CCSER1: variants seen among roughly 807,000 people sequenced by gnomAD.
CCSER1 encodes coiled-coil serine rich protein 1, also known as serine-rich coiled-coil domain-containing protein 1.
Under a neutral mutation model 82.0 loss-of-function variants are expected in CCSER1, and 41 were observed. That is an observed-to-expected ratio of 0.50 (90% CI 0.39 to 0.65). The LOEUF (loss-of-function observed/expected upper bound fraction) is 0.65, where lower values mean the gene tolerates loss of function less well. CCSER1 is among the 30% of genes least tolerant of loss of function. The pLI, the probability that CCSER1 is intolerant of heterozygous loss-of-function variation, is 0.00. For missense variants in CCSER1, 1,119 were observed against 1,064.2 expected (o/e 1.05, Z -0.72); for synonymous variants, 414 against 383.9 (o/e 1.08, Z -0.92).
At position 90,367,027 on chromosome 4, in the gene CCSER1, T is replaced by A. The variant is rs1432892361; in HGVS notation, c.1510-33009T>A. ...ATAAGCAATCACTGTGGAAAGCCAATGAAAATTTACATGCGCTCATTGGAA... is the reference window on the plus strand; with the variant it reads ...ATAAGCAATCACTGTGGAAAGCCAAAGAAAATTTACATGCGCTCATTGGAA... On this transcript the variant is annotated intron_variant, in intron 3 of 10. Transcript: ENST00000509176. Among the ~76,000 whole-genome samples, 2 of 151,832 alleles carry A rather than the reference T, an allele frequency of 1.3e-5. 1 individual carries two copies. Among genetic ancestry groups the A allele is most frequent in the Non-Finnish European group, 2.9e-5 (2 of 67,846 alleles).
At chr4:91,344,128 T>G (rs1490733758) in intron 10 of CCSER1, among the ~76,000 whole-genome samples, 1 of 152,152 alleles carries the variant, frequency 6.6e-6, no homozygotes, top group Non-Finnish European at 1.5e-5. Flanking sequence ...GGTGATTAAG[T>G]CTTAAGGGCT....
intron 10 of CCSER1, among the ~76,000 whole-genome samples, chr4:91,111,289 G>C (rs188753587): frequency 7.9e-5 from 12 of 151,976 alleles, no homozygotes; most frequent in African/African-American, 2.9e-4. Context: ...ATTCCCTTTT[G>C]AATAAATAAG....
intron 10 of CCSER1, among the ~76,000 whole-genome samples, chr4:91,491,540 A>G (rs1167883311): frequency 6.6e-6 from 1 of 152,158 alleles, no homozygotes; most frequent in South Asian, 2.1e-4. Flanking sequence ...ATATATGCTC[A>G]AGATATTGGT....
At chr4:91,590,046 T>C (rs893532362) in intron 10 of CCSER1, among the ~76,000 whole-genome samples, 3 of 152,034 alleles carry the variant, frequency 2.0e-5, no homozygotes, top group Non-Finnish European at 2.9e-5. Context: ...GGAAAACTGT[T>C]GTATGTTTTC....
intron 3 of CCSER1, among the ~76,000 whole-genome samples, chr4:90,347,789 A>G (rs1309048090): frequency 6.6e-6 from 1 of 152,190 alleles, no homozygotes; most frequent in Non-Finnish European, 1.5e-5. Context: ...AAACTAGAAA[A>G]TAGAAGAAAA....
chr4:90,213,566 C>T (rs1414049565), intron 1 of CCSER1, among the ~76,000 whole-genome samples: 1 of 152,040 alleles, frequency 6.6e-6, no homozygotes, highest in Non-Finnish European at 1.5e-5. Context: ...AGGAGAGGTC[C>T]ACGAACTGAA....
At chr4:90,969,761 T>G (rs891190696) in intron 9 of CCSER1, among the ~76,000 whole-genome samples, 1 of 151,944 alleles carries the variant, frequency 6.6e-6, no homozygotes, top group Non-Finnish European at 1.5e-5. Flanking sequence ...AAGGTAAATA[T>G]ATAGTTAATG....
intron 3 of CCSER1, among the ~76,000 whole-genome samples, chr4:90,374,254 A>G (rs1471912909): frequency 6.6e-6 from 1 of 152,234 alleles, no homozygotes; most frequent in Non-Finnish European, 1.5e-5. Flanking sequence ...TGTTGATCAC[A>G]TTAATGGTCA....
chr4:90,694,163 G>A (rs1179892838), intron 6 of CCSER1, among the ~76,000 whole-genome samples: 1 of 151,864 alleles, frequency 6.6e-6, no homozygotes, highest in African/African-American at 2.4e-5. Flanking sequence ...TGGAAGATTT[G>A]GAACAAATCC....
At chr4:91,059,132 A>G (rs1476670717) in intron 9 of CCSER1, among the ~76,000 whole-genome samples, 3 of 152,010 alleles carry the variant, frequency 2.0e-5, no homozygotes, top group African/African-American at 4.8e-5. Flanking sequence ...AGACTGCTAA[A>G]CAACCACCCT....
chr4:90,682,869 G>T lies in CCSER1; in HGVS notation c.1933-41045G>T, dbSNP rs185557593. 7.9e-5 allele frequency: 12 copies of T among 152,066 alleles called. No individual in the cohort carries two copies. In the East Asian group the frequency reaches 2.3e-3, roughly 29 times the overall value. 9.4% of individuals were successfully genotyped at this position (152,066 alleles called of 1,614,324 possible). On this transcript the variant is annotated intron_variant, in intron 6 of 10. Coordinates refer to ENST00000509176, the MANE Select transcript of CCSER1 (RefSeq NM_001145065.2). The stretch of plus-strand genomic sequence containing the variant: ...TAAATTTAATTCTTAAATTTTAAAA[G>T]AATTTTAATTAATGTTTTTACATTG...
intron 4 of CCSER1, among the ~76,000 whole-genome samples, chr4:90,455,685 A>G (rs1486925330): frequency 6.6e-6 from 1 of 152,216 alleles, no homozygotes; most frequent in Non-Finnish European, 1.5e-5. Flanking sequence ...GACTTCACCC[A>G]TGAGGTGGGG....
chr4:90,314,961 C>T (rs529336261), intron 3 of CCSER1, among the ~76,000 whole-genome samples: 47 of 150,294 alleles, frequency 3.1e-4, no homozygotes, highest in Non-Finnish European at 6.5e-4. Context: ...ATTCTCCTGC[C>T]TGAGCCTCCC....
chr4:90,989,381 G>A (rs562079345), intron 9 of CCSER1, among the ~76,000 whole-genome samples: 8 of 151,868 alleles, frequency 5.3e-5, no homozygotes, highest in African/African-American at 1.9e-4. Context: ...CTGAGTTAAT[G>A]AAACACATCT....
chr4:90,993,615 G>C (rs1737234601), intron 9 of CCSER1, among the ~76,000 whole-genome samples: 1 of 151,986 alleles, frequency 6.6e-6, no homozygotes, highest in Non-Finnish European at 1.5e-5. Flanking sequence ...CTGGAGGCTA[G>C]GAAGTCTAAG....
At chr4:91,515,962 A>C (rs1760097761) in intron 10 of CCSER1, among the ~76,000 whole-genome samples, 1 of 149,414 alleles carries the variant, frequency 6.7e-6, no homozygotes, top group Admixed American at 6.7e-5. Context: ...ATGATTAGTG[A>C]TGTTGAGCAT....
intron 1 of CCSER1, among the ~76,000 whole-genome samples, chr4:90,245,850 A>G (rs190691366): frequency 8.7e-4 from 132 of 152,320 alleles, no homozygotes; most frequent in African/African-American, 3.0e-3. Flanking sequence ...CCAAGAACAC[A>G]TTATAAAATA....
Position 90,468,796 on chromosome 4 carries a change from A to T in CCSER1, c.1724+442A>T, listed in dbSNP as rs574569567. Among the ~76,000 whole-genome samples the T allele has an allele frequency of 1.2e-4, 18 of 152,190 alleles. No individual in the cohort carries two copies. In the South Asian group the frequency reaches 3.5e-3, roughly 30 times the overall value. On this transcript the variant is annotated intron_variant, in intron 5 of 10. Coordinates refer to ENST00000509176, the MANE Select transcript of CCSER1 (RefSeq NM_001145065.2). ...TTTTACTAAATTAGAACAAATTTGA[A>T]CTTTATACTATTTTAGTGTTTTCAT...
intron 7 of CCSER1, among the ~76,000 whole-genome samples, chr4:90,799,488 C>T (rs2168077): frequency 0.35 from 52,786 of 151,852 alleles, 9,538 homozygotes; most frequent in African/African-American, 0.46. Context: ...GGCGTCGTGC[C>T]ACTGGAGCTC....
Sources: gnomAD v4.1 joint callset for allele counts (sites outside exome capture counted in the v4.1 genomes callset) on GRCh38, gnomAD v4.1.1 for gene constraint, MANE v1.5 for transcripts, NCBI Gene and HGNC (gene_info 2026-07-23, HGNC 2026-07-21) for gene names.